The following EYS variants were observed in gnomAD, a reference collection of about 807,000 sequenced individuals.
The protein encoded by EYS is protein eyes shut homolog.
A neutral mutation model predicts 282.1 loss-of-function variants in EYS; 250 were observed. That is an observed-to-expected ratio of 0.89 (90% CI 0.80 to 0.98). EYS has a LOEUF of 0.98. Ranked by LOEUF, EYS falls within the 50% of genes least tolerant of loss-of-function variation. The pLI is 0.00. For synonymous variants in EYS, 1,355 were observed against 1,282.9 expected (o/e 1.06, Z -1.20); for missense variants, 4,016 against 3,709.0 (o/e 1.08, Z -2.15).
chr6:65,374,774 G>C (rs1381109973), intron 8 of EYS, among the ~76,000 whole-genome samples: 1 of 151,928 alleles, frequency 6.6e-6, no homozygotes, highest in Non-Finnish European at 1.5e-5. Flanking sequence ...CCCTTCTAAA[G>C]ACTGGGCGGA....
intron 1 of EYS, among the ~76,000 whole-genome samples, chr6:65,655,123 GT>G (rs1266225969): frequency 6.6e-6 from 1 of 151,110 alleles, no homozygotes; most frequent in Non-Finnish European, 1.5e-5. Flanking sequence ...TTAATTTTGT[GT>G]AATACAAATG....
intron 12 of EYS, among the ~76,000 whole-genome samples, chr6:65,140,545 T>C (rs1764302422): frequency 6.6e-6 from 1 of 150,980 alleles, no homozygotes; most frequent in African/African-American, 2.4e-5. Flanking sequence ...ACCATCAGAG[T>C]GAACAGGCAA....
intron 35 of EYS, among the ~76,000 whole-genome samples, chr6:63,908,791 T>C (rs1414093827): frequency 2.6e-5 from 4 of 152,178 alleles, no homozygotes; most frequent in African/African-American, 9.7e-5. Context: ...ATTTTCTATC[T>C]AAATGGCTAT....
At chr6:64,740,472 A>G (rs1772332692) in intron 22 of EYS, among the ~76,000 whole-genome samples, 1 of 152,120 alleles carries the variant, frequency 6.6e-6, no homozygotes. Flanking sequence ...TGTGTCCATA[A>G]CTTTTAATGC....
intron 22 of EYS, among the ~76,000 whole-genome samples, chr6:64,670,729 A>ATTT (rs1769427289): frequency 6.6e-6 from 1 of 152,192 alleles, no homozygotes; most frequent in African/African-American, 2.4e-5. Flanking sequence ...GTGCCAAAAA[A>ATTT]TGGCCAAAGA....
Position 65,607,626 on chromosome 6 carries a change from C to T in EYS, c.-333+32152G>A, listed in dbSNP as rs1765845313. ...TCAAACTCATCTTAAATTTATTTTGCGTACCTTCAAATATGCAGTTATCTG... is the reference window on the plus strand; with the variant it reads ...TCAAACTCATCTTAAATTTATTTTGTGTACCTTCAAATATGCAGTTATCTG... On this transcript the variant is annotated intron_variant, in intron 2 of 42. Transcript: ENST00000503581. Among the ~76,000 whole-genome samples, 3 of 110,762 alleles carry T rather than the reference C, an allele frequency of 2.7e-5. No individual in the cohort carries two copies. The South Asian group carries it at 1.0e-3, about 38-fold the overall frequency. The allele number at this position is 110,762 out of a possible 152,430, so 72.7% of individuals were successfully genotyped here. A position where few individuals can be genotyped will look rare whatever the true frequency, so the allele number is the denominator to read the frequency against.
chr6:65,185,369 A>C (rs1765492987), intron 12 of EYS, among the ~76,000 whole-genome samples: 1 of 151,822 alleles, frequency 6.6e-6, no homozygotes, highest in South Asian at 2.1e-4. Context: ...TATCTATGGC[A>C]GCCATTGCCA....
intron 29 of EYS, among the ~76,000 whole-genome samples, chr6:64,343,956 A>C (rs1771250078): frequency 6.6e-6 from 1 of 152,216 alleles, no homozygotes; most frequent in Non-Finnish European, 1.5e-5. Flanking sequence ...GAAAATCTAG[A>C]AGAAATGGAT....
At chr6:63,906,830 T>C (rs1009709547) in intron 35 of EYS, among the ~76,000 whole-genome samples, 1 of 151,950 alleles carries the variant, frequency 6.6e-6, no homozygotes, top group African/African-American at 2.4e-5. Flanking sequence ...AACACAGATA[T>C]ACATATACTA....
At chr6:64,773,652 C>T (rs1773591472) in intron 22 of EYS, among the ~76,000 whole-genome samples, 1 of 151,622 alleles carries the variant, frequency 6.6e-6, no homozygotes, top group Non-Finnish European at 1.5e-5. Flanking sequence ...TTTTGGACTC[C>T]TTAATAATAG....
chr6:65,321,781 G>C (rs536842419), intron 11 of EYS, among the ~76,000 whole-genome samples: 2 of 152,170 alleles, frequency 1.3e-5, no homozygotes, highest in African/African-American at 4.8e-5. Flanking sequence ...AGCTGGTAGG[G>C]GGCCTGGCCA....
At chr6:65,353,409 A>G (rs746079819) in intron 9 of EYS, 49 bp downstream of exon 9, 1 of 1,561,500 alleles carries the variant, frequency 6.4e-7, no homozygotes, top group Non-Finnish European at 8.8e-7. Flanking sequence ...TGACTAGCAA[A>G]TTTTGAAATG....
chr6:64,272,407 G>A (rs1767973406), intron 30 of EYS, among the ~76,000 whole-genome samples: 1 of 152,178 alleles, frequency 6.6e-6, no homozygotes, highest in Non-Finnish European at 1.5e-5. Context: ...TGCAGTGGCT[G>A]GTACTAGTTT....
At chr6:64,118,446 G>T (rs79324558) in intron 31 of EYS, among the ~76,000 whole-genome samples, 14,784 of 151,980 alleles carry the variant, frequency 0.097, 1,231 homozygotes, top group African/African-American at 0.23. Flanking sequence ...GAAAGGACAG[G>T]CTCTTCAACA....
intron 35 of EYS, among the ~76,000 whole-genome samples, chr6:63,898,026 A>C (rs1432828122): frequency 6.6e-6 from 1 of 152,188 alleles, no homozygotes; most frequent in East Asian, 1.9e-4. Flanking sequence ...CACCAAGAAG[A>C]ATCTTGAGTT....
chr6:64,016,894 C>A (rs1458989547), intron 33 of EYS, among the ~76,000 whole-genome samples: 4 of 152,078 alleles, frequency 2.6e-5, no homozygotes, highest in Non-Finnish European at 4.4e-5. Context: ...GAAAGCTTTT[C>A]AATTCCTTTA....
chr6:63,915,900 A>T (rs200332746), intron 35 of EYS, among the ~76,000 whole-genome samples: 14 of 152,210 alleles, frequency 9.2e-5, no homozygotes, highest in Admixed American at 8.5e-4. Flanking sequence ...ATGAGCAAAG[A>T]TGTTGGTCCC....
At chr6:64,106,532 A>G (rs1031354025) in intron 31 of EYS, among the ~76,000 whole-genome samples, 20 of 152,016 alleles carry the variant, frequency 1.3e-4, no homozygotes, top group African/African-American at 4.8e-4. Context: ...TTGCTCTTCT[A>G]TAGGGAAGGT....
chr6:64,442,657 T>A (rs1357572926), intron 26 of EYS, among the ~76,000 whole-genome samples: 1 of 152,194 alleles, frequency 6.6e-6, no homozygotes, highest in Non-Finnish European at 1.5e-5. Context: ...ATGTTCCAGC[T>A]GTTCCAGCCA....
Sources: gnomAD v4.1 joint callset for allele counts (sites outside exome capture counted in the v4.1 genomes callset) on GRCh38, gnomAD v4.1.1 for gene constraint, MANE v1.5 for transcripts, NCBI Gene and HGNC (gene_info 2026-07-23, HGNC 2026-07-21) for gene names.